COL16A1: variants seen among roughly 807,000 people sequenced by gnomAD.
COL16A1 encodes the protein collagen type XVI alpha 1 chain, also known as collagen alpha-1(XVI) chain.
In COL16A1, 189 loss-of-function variants were observed where a neutral mutation model predicts 266.3. That is an observed-to-expected ratio of 0.71 (90% CI 0.63 to 0.80). COL16A1 has a LOEUF of 0.80. COL16A1 is among the 30% of genes least tolerant of loss of function. The pLI, the probability that COL16A1 is intolerant of heterozygous loss-of-function variation, is 0.00. For missense variants in COL16A1, 1,928 were observed against 2,122.4 expected (o/e 0.91, Z 1.80); for synonymous variants, 740 against 782.3 (o/e 0.95, Z 0.90).
rs752905851 is a variant in COL16A1, at chr1:31,693,136, C to A, written c.1027G>T (p.Gly343Cys). Residue 343 changes from glycine to cysteine, a missense_variant, in exon 13 of 71, where the codon GGC becomes TGC. This residue lies in a region of COL16A1 where 1,552 missense variants were observed against 1,637.2 expected (regional missense o/e 0.95). Transcript: ENST00000373672. ...TTGGAGCCTGGTGGACCAGGCAGGC[C>A]CCGCTCACCTTTCCCTCCCTGAGAG... ...SGPKGGKGER[G>C]LPGPPGSKGE... 1 of 1,611,200 alleles carries A rather than the reference C, an allele frequency of 6.2e-7. No individual in the cohort carries two copies. Among genetic ancestry groups the A allele is most frequent in the Admixed American group, 1.7e-5 (1 of 59,992 alleles).
chr1:31,671,803 C>T (rs955171821), intron 47 of COL16A1, 144 bp from the exon 48 acceptor site: 35 of 926,028 alleles, frequency 3.8e-5, no homozygotes, highest in African/African-American at 2.3e-4. Flanking sequence ...AGCTGATGTT[C>T]GAACAATCTT....
At position 31,656,235 on chromosome 1, in the gene COL16A1, C is replaced by T; in HGVS notation, c.4101+165G>A. The T allele has an allele frequency of 1.8e-6, 2 of 1,121,478 alleles. No homozygotes were observed. The highest frequency in any genetic ancestry group is 5.6e-5 in the Admixed American group (2 of 35,934). The allele number at this position is 1,121,478 out of a possible 1,614,324, so 69.5% of individuals were successfully genotyped here. On this transcript the variant is annotated intron_variant, in intron 66 of 70. Transcript: ENST00000373672. The surrounding 1 kb of genome is among the most constrained non-coding windows in gnomAD (Gnocchi z 4.2). ...CTTCCCCCCAACCACAGCTAATGAC[C>T]CCATGTGAGAAATTTTCAGACACTA...
intron 1 of COL16A1, among the ~76,000 whole-genome samples, chr1:31,702,713 G>A (rs555515200): frequency 1.3e-5 from 2 of 152,304 alleles, no homozygotes; most frequent in South Asian, 2.1e-4. Flanking sequence ...AGCCCAGGAA[G>A]CCCTCCCAGG....
intron 29 of COL16A1, 106 bp from the exon 30 acceptor site, chr1:31,684,962 C>T: frequency 1.9e-6 from 3 of 1,591,484 alleles, no homozygotes; most frequent in Non-Finnish European, 2.6e-6. Context: ...CAAACAAAAT[C>T]TCTGCTTTCG....
In COL16A1 at chr1:31,685,635, T is replaced by C. The variant is rs1327685627; in HGVS notation, c.2016+4A>G. On this transcript the variant is annotated splice_donor_region_variant and intron_variant, in intron 29 of 70. Transcript: ENST00000373672. The surrounding 1 kb of genome is among the most constrained non-coding windows in gnomAD (Gnocchi z 4.0). ...CAGAGGCCCCTGCCTATATCCCACC[T>C]CACCTGTTTTCCTGGCAAGCCAAAG... 1.3e-6 allele frequency: 2 copies of C among 1,597,446 alleles called. No homozygotes were observed. Among genetic ancestry groups the C allele is most frequent in the South Asian group, 2.2e-5 (2 of 90,794 alleles).
Position 31,684,164 on chromosome 1 carries a change from T to C in COL16A1, c.2228A>G (p.Gln743Arg). The C allele has an allele frequency of 6.5e-7, 1 of 1,545,950 alleles. No homozygotes were observed. The highest frequency in any genetic ancestry group is 1.4e-5 in the African/African-American group (1 of 73,272). ...GCCCTGCTCTCCTTTGGGGCCGGGCTGCCCAGGCCGTCCTGCCATGTCTGT... is the reference window on the plus strand; with the variant it reads ...GCCCTGCTCTCCTTTGGGGCCGGGCCGCCCAGGCCGTCCTGCCATGTCTGT... Reference protein sequence around the residue: ...TVTDMAGRPGQPGPKGEQGPE... With the variant: ...TVTDMAGRPGRPGPKGEQGPE... Residue 743 changes from glutamine to arginine, a missense_variant, in exon 32 of 71, where the codon CAG becomes CGG. Physicochemically the swap from Gln to Arg is conservative, Grantham distance 43. Transcript: ENST00000373672.
In COL16A1 at chr1:31,652,639, A is replaced by G. The variant is rs761093864; in HGVS notation, c.*12T>C. ...CCAACGGAGTCTTTCATCCAAAGGC[A>G]GGTGGGGAATTTCAGCCAAAAGGCC... is the stretch of plus-strand genomic sequence containing the variant. On this transcript the variant is annotated 3_prime_UTR_variant, in exon 71 of 71. Coordinates refer to ENST00000373672, the MANE Select transcript of COL16A1 (RefSeq NM_001856.4). This position sits in a 1 kb window ranked among gnomAD's most constrained non-coding sequence, Gnocchi z 4.8. The G allele has an allele frequency of 4.5e-6, 7 of 1,561,960 alleles. No individual in the cohort carries two copies. The highest frequency in any genetic ancestry group is 5.2e-6 in the Non-Finnish European group (6 of 1,159,366).
chr1:31,691,934 C>G (rs976907169), intron 17 of COL16A1, 71 bp downstream of exon 17: 1 of 1,607,698 alleles, frequency 6.2e-7, no homozygotes, highest in African/African-American at 1.3e-5. Context: ...GCTGGATTCC[C>G]GAAGGTTAAA....
intron 42 of COL16A1, among the ~76,000 whole-genome samples, chr1:31,677,076 T>A (rs1193595848): frequency 7.6e-6 from 1 of 131,600 alleles, no homozygotes; most frequent in African/African-American, 2.7e-5. Context: ...TCAATTATTA[T>A]TTTTTATTTA....
chr1:31,652,640 G>A lies in COL16A1; in HGVS notation c.*11C>T. On this transcript the variant is annotated 3_prime_UTR_variant, in exon 71 of 71. Coordinates refer to ENST00000373672, the MANE Select transcript of COL16A1 (RefSeq NM_001856.4). The surrounding 1 kb of genome is among the most constrained non-coding windows in gnomAD (Gnocchi z 4.8). ...CAACGGAGTCTTTCATCCAAAGGCA[G>A]GTGGGGAATTTCAGCCAAAAGGCCC... 1 of 1,563,420 alleles carries A rather than the reference G, an allele frequency of 6.4e-7. No individual in the cohort carries two copies. The highest frequency in any genetic ancestry group is 8.6e-7 in the Non-Finnish European group (1 of 1,160,176).
rs1038093754 is a variant in COL16A1, at chr1:31,663,507, G to C, written c.3556-849C>G. 6.6e-6 allele frequency: 1 copy of C among 152,138 alleles called. No homozygotes were observed. The highest frequency in any genetic ancestry group is 2.4e-5 in the African/African-American group (1 of 41,394). 9.4% of individuals were successfully genotyped at this position (152,138 alleles called of 1,614,324 possible). On this transcript the variant is annotated intron_variant, in intron 56 of 70. Transcript: ENST00000373672. This position sits in a 1 kb window ranked among gnomAD's most constrained non-coding sequence, Gnocchi z 4.9. ...TGGAAGAGTCACCATGATGAGTGGG[G>C]GCCCTGAACGCTGTGCTAAACTTTA...
chr1:31,690,275 C>A (rs1644199845), intron 22 of COL16A1, 92 bp downstream of exon 22: 5 of 1,577,928 alleles, frequency 3.2e-6, no homozygotes, highest in Non-Finnish European at 4.3e-6. Context: ...AGGTCCAGCA[C>A]CCCTAGGCCT....
chr1:31,663,338 A>T lies in COL16A1; in HGVS notation c.3556-680T>A, dbSNP rs1465124150. ...TGTCACCAGATGCTAGACTCTGAGG[A>T]TGTCTGGGATTGGGCAGGTGGAGGA... On this transcript the variant is annotated intron_variant, in intron 56 of 70. Coordinates refer to ENST00000373672, the MANE Select transcript of COL16A1 (RefSeq NM_001856.4). This position sits in a 1 kb window ranked among gnomAD's most constrained non-coding sequence, Gnocchi z 4.9. 6.6e-6 allele frequency: 1 copy of T among 152,370 alleles called. No homozygotes were observed. Among genetic ancestry groups the T allele is most frequent in the Admixed American group, 6.5e-5 (1 of 15,294 alleles). 9.4% of individuals were successfully genotyped at this position (152,370 alleles called of 1,614,324 possible).
Position 31,697,391 on chromosome 1 carries a change from A to G in COL16A1, c.658-91T>C. ...GGAGGCACAGAGATGTCTCTGCCCC[A>G]GGATGTGACCTCAGGGTGTTTCCAG... On this transcript the variant is annotated intron_variant, in intron 6 of 70. Transcript: ENST00000373672. This position sits in a 1 kb window ranked among gnomAD's most constrained non-coding sequence, Gnocchi z 4.2. 1 of 1,287,048 alleles carries G rather than the reference A, an allele frequency of 7.8e-7. No individual in the cohort carries two copies. Among genetic ancestry groups the G allele is most frequent in the Non-Finnish European group, 1.1e-6 (1 of 926,248 alleles). The allele number at this position is 1,287,048 out of a possible 1,614,324, so 79.7% of individuals were successfully genotyped here.
chr1:31,694,260 C>G (rs1350605058), intron 11 of COL16A1, 90 bp from the exon 12 acceptor site: 1 of 1,107,442 alleles, frequency 9.0e-7, no homozygotes, highest in Non-Finnish European at 1.3e-6. Flanking sequence ...CAGGGTCACA[C>G]AGCATGGTAG....
chr1:31,696,218 A>G, intron 8 of COL16A1, 77 bp from the exon 9 acceptor site: 1 of 1,325,294 alleles, frequency 7.5e-7, no homozygotes. Context: ...GCACCCAGGC[A>G]GGGGGCATGG....
intron 9 of COL16A1, 86 bp from the exon 10 acceptor site, chr1:31,695,873 A>G (rs1186883577): frequency 1.6e-6 from 2 of 1,265,120 alleles, no homozygotes; most frequent in East Asian, 2.3e-5. Context: ...CCAAACCAAC[A>G]GGAGTGGGCA....
At position 31,653,856 on chromosome 1, in the gene COL16A1, G is replaced by A. The variant is rs1640861191; in HGVS notation, c.4534+11C>T. The A allele has an allele frequency of 1.2e-6, 2 of 1,605,420 alleles. No individual in the cohort carries two copies. The highest frequency in any genetic ancestry group is 4.5e-5 in the East Asian group (2 of 44,730). ...TACATGTGTCCCTTGGGAACTGTAG[G>A]GCAGAGCTACCTCTTACTCCTGGCA... On this transcript the variant is annotated intron_variant, in intron 69 of 70. Coordinates refer to ENST00000373672, the MANE Select transcript of COL16A1 (RefSeq NM_001856.4).
At position 31,698,583 on chromosome 1, in the gene COL16A1, G is replaced by A. The variant is rs374891725; in HGVS notation, c.290C>T (p.Pro97Leu). 129 of 1,613,932 alleles carry A rather than the reference G, an allele frequency of 8.0e-5. No individual in the cohort carries two copies. Among genetic ancestry groups the A allele is most frequent in the East Asian group, 2.0e-4 (9 of 44,886 alleles). ...TGTCAGCACCAGGGCAAACTCCTCC[G>A]GGAGACCCCGAGGGAATACTCTTCT... Reference protein sequence around the residue: ...PTRRVFPRGLPEEFALVLTLL... With the variant: ...PTRRVFPRGLLEEFALVLTLL... The change falls in exon 5 of 71, where the codon CCG (proline) becomes CTG (leucine). Residue 97 changes from proline to leucine, a missense_variant. Physicochemically the swap from Pro to Leu is moderately conservative, Grantham distance 98. Coordinates refer to ENST00000373672, the MANE Select transcript of COL16A1 (RefSeq NM_001856.4). The surrounding 1 kb of genome is among the most constrained non-coding windows in gnomAD (Gnocchi z 4.1).
Sources: gnomAD v4.1 joint callset for allele counts (sites outside exome capture counted in the v4.1 genomes callset) on GRCh38, gnomAD v4.1.1 for gene constraint, gnomAD v4.1.1 regional missense constraint, Gnocchi (gnomAD v3.1) non-coding constraint, MANE v1.5 for transcripts, NCBI Gene and HGNC (gene_info 2026-07-23, HGNC 2026-07-21) for gene names.